Variants in TTC17 observed in about 807,000 individuals in gnomAD.
TTC17 encodes tetratricopeptide repeat domain 17, also known as tetratricopeptide repeat protein 17.
A neutral mutation model predicts 143.8 loss-of-function variants in TTC17; 58 were observed. The ratio of observed to expected loss-of-function variants is 0.40; its 90% CI spans 0.33 to 0.50. The LOEUF is 0.50. Ranked by LOEUF, TTC17 falls within the 20% of genes least tolerant of loss-of-function variation. The pLI, the probability that TTC17 is intolerant of heterozygous loss-of-function variation, is 0.49. For missense variants in TTC17, 1,273 were observed against 1,392.5 expected, an observed-to-expected ratio of 0.91 and a Z score of 1.37; for synonymous variants, 501 against 497.8, an observed-to-expected ratio of 1.01 and a Z score of -0.09.
intron 2 of TTC17, among the ~76,000 whole-genome samples, chr11:43,381,296 G>A (rs1392943542): frequency 1.3e-5 from 2 of 152,124 alleles, no homozygotes; most frequent in Admixed American, 6.5e-5. Flanking sequence ...CTTGAAAGTA[G>A]TATAAGCATC....
intron 16 of TTC17, among the ~76,000 whole-genome samples, chr11:43,435,910 T>C (rs1236763342): frequency 6.6e-6 from 1 of 152,240 alleles, no homozygotes; most frequent in Non-Finnish European, 1.5e-5. Flanking sequence ...GCTTGATCTT[T>C]GTTGTTACAG....
At chr11:43,359,417 G>C (rs927985021) in intron 1 of TTC17, 1 of 352,746 alleles carries the variant, frequency 2.8e-6, no homozygotes, top group Non-Finnish European at 5.2e-6. Flanking sequence ...TTTTAGCTCG[G>C]GGTTTAGAAA....
intron 21 of TTC17, among the ~76,000 whole-genome samples, chr11:43,468,949 G>A (rs562468421): frequency 3.9e-5 from 6 of 151,984 alleles, no homozygotes; most frequent in Non-Finnish European, 8.8e-5. Flanking sequence ...AATAGACACA[G>A]ACTTAAAGAA....
chr11:43,401,575 A>G lies in TTC17; in HGVS notation c.1332+17A>G, dbSNP rs774608546. 25 of 1,525,828 alleles carry G rather than the reference A, an allele frequency of 1.6e-5. No homozygotes were observed. In the Middle Eastern group the frequency reaches 6.9e-4, roughly 42 times the overall value. 94.5% of individuals were successfully genotyped at this position (1,525,828 alleles called of 1,614,324 possible). A position where few individuals can be genotyped will look rare whatever the true frequency, so the allele number is the denominator to read the frequency against. ...TATGTTCAGGTCTTTTTCTTGGTCC[A>G]GTCTAATTCTTATAAACGTTTGCTT... On this transcript the variant is annotated intron_variant, in intron 10 of 23. Transcript: ENST00000039989.
At chr11:43,441,513 AT>A (rs951087814) in intron 16 of TTC17, among the ~76,000 whole-genome samples, 7 of 150,808 alleles carry the variant, frequency 4.6e-5, no homozygotes, top group African/African-American at 7.3e-5. Context: ...GAAACTTTCC[AT>A]TTTTTTTTGT....
intron 21 of TTC17, 158 bp from the exon 22 acceptor site, chr11:43,490,081 T>C: frequency 3.2e-6 from 3 of 947,674 alleles, no homozygotes; most frequent in Non-Finnish European, 4.6e-6. Flanking sequence ...GTTCTAAGGA[T>C]TAATGAAGGA....
At chr11:43,443,613 A>G in intron 17 of TTC17, 29 bp downstream of exon 17, 1 of 1,587,252 alleles carries the variant, frequency 6.3e-7, no homozygotes, top group Middle Eastern at 1.7e-4. Context: ...TTCTCACAAA[A>G]TTGTAGCCCA....
At chr11:43,399,744 A>T (rs1393444558) in intron 8 of TTC17, 144 bp from the exon 9 acceptor site, 2 of 723,026 alleles carry the variant, frequency 2.8e-6, no homozygotes, top group Non-Finnish European at 4.3e-6. Context: ...GTATTCTTGA[A>T]CTGGTGATAC....
chr11:43,376,611 C>A (rs994429740), intron 1 of TTC17, among the ~76,000 whole-genome samples: 1 of 152,154 alleles, frequency 6.6e-6, no homozygotes, highest in African/African-American at 2.4e-5. Flanking sequence ...TCTGGACTTA[C>A]AGCAGCCTCT....
At chr11:43,464,274 C>A in intron 21 of TTC17, among the ~76,000 whole-genome samples, 2 of 145,740 alleles carry the variant, frequency 1.4e-5, no homozygotes, top group Admixed American at 6.8e-5. Flanking sequence ...AGTGAGACTC[C>A]ATCTCAAAAA....
chr11:43,456,091 AT>A (rs1414997119), intron 21 of TTC17, among the ~76,000 whole-genome samples: 1 of 152,066 alleles, frequency 6.6e-6, no homozygotes, highest in East Asian at 1.9e-4. Flanking sequence ...AAATCATATA[AT>A]TATATCCAGA....
At chr11:43,411,125 G>A (rs1195811647) in intron 15 of TTC17, among the ~76,000 whole-genome samples, 2 of 152,114 alleles carry the variant, frequency 1.3e-5, no homozygotes, top group East Asian at 1.9e-4. Context: ...TAGAACTCAC[G>A]GGAAAATACG....
At chr11:43,392,930 A>C (rs1032933649) in intron 5 of TTC17, among the ~76,000 whole-genome samples, 1 of 152,232 alleles carries the variant, frequency 6.6e-6, no homozygotes, top group Non-Finnish European at 1.5e-5. Flanking sequence ...AATCATAAGA[A>C]GAAACCAAAA....
At chr11:43,448,220 T>C (rs1410791136) in intron 19 of TTC17, 98 bp downstream of exon 19, 11 of 1,506,556 alleles carry the variant, frequency 7.3e-6, no homozygotes, top group Non-Finnish European at 9.8e-6. Flanking sequence ...AGAAGAGTTA[T>C]CCTTTCTAGA....
intron 21 of TTC17, among the ~76,000 whole-genome samples, chr11:43,464,698 C>T (rs929928022): frequency 4.7e-5 from 7 of 148,820 alleles, no homozygotes; most frequent in Admixed American, 2.0e-4. Flanking sequence ...AATTGTCAAA[C>T]GGAATTATAA....
chr11:43,462,658 G>A (rs1186578200), intron 21 of TTC17, among the ~76,000 whole-genome samples: 1 of 152,172 alleles, frequency 6.6e-6, no homozygotes, highest in African/African-American at 2.4e-5. Context: ...ATTTGTCACA[G>A]TAGCTATAGG....
intron 21 of TTC17, among the ~76,000 whole-genome samples, chr11:43,485,716 G>T (rs956564460): frequency 6.6e-6 from 1 of 152,046 alleles, no homozygotes; most frequent in African/African-American, 2.4e-5. Flanking sequence ...TCTCACTAGT[G>T]ATCAGGAAAT....
At chr11:43,435,552 T>G (rs748802861) in intron 16 of TTC17, among the ~76,000 whole-genome samples, 3 of 152,190 alleles carry the variant, frequency 2.0e-5, no homozygotes, top group Non-Finnish European at 4.4e-5. Context: ...TAGAGGTCAT[T>G]CCCACTATAC....
At chr11:43,380,734 A>G (rs1223777206) in intron 2 of TTC17, among the ~76,000 whole-genome samples, 2 of 152,246 alleles carry the variant, frequency 1.3e-5, no homozygotes, top group Non-Finnish European at 2.9e-5. Context: ...GCACATGGTA[A>G]CCAGCTCTGC....
Sources: gnomAD v4.1 joint callset for allele counts (sites outside exome capture counted in the v4.1 genomes callset) on GRCh38, gnomAD v4.1.1 for gene constraint, MANE v1.5 for transcripts, NCBI Gene and HGNC (gene_info 2026-07-23, HGNC 2026-07-21) for gene names.